The following USP13 variants were observed in gnomAD, a reference collection of about 807,000 sequenced individuals.
USP13 encodes the protein ubiquitin carboxyl-terminal hydrolase 13.
In USP13, 68 loss-of-function variants were observed where a neutral mutation model predicts 107.8. The ratio of observed to expected loss-of-function variants is 0.63; its 90% CI spans 0.52 to 0.77. The LOEUF (loss-of-function observed/expected upper bound fraction) is 0.77, where lower values mean the gene tolerates loss of function less well. USP13 is among the 30% of genes least tolerant of loss of function. The pLI, the probability that USP13 is intolerant of heterozygous loss-of-function variation, is 0.00. For missense variants in USP13, 945 were observed against 1,093.3 expected (o/e 0.86, Z 1.91); for synonymous variants, 377 against 389.5 (o/e 0.97, Z 0.38).
intron 6 of USP13, among the ~76,000 whole-genome samples, chr3:179,712,433 T>C (rs1456164755): frequency 1.3e-5 from 2 of 152,140 alleles, no homozygotes; most frequent in African/African-American, 4.8e-5. Flanking sequence ...TATTTCATTT[T>C]AGTCTTTTCT....
chr3:179,670,031 A>G (rs1001649402), intron 1 of USP13, among the ~76,000 whole-genome samples: 4 of 151,880 alleles, frequency 2.6e-5, no homozygotes, highest in Admixed American at 1.3e-4. Flanking sequence ...CCTTTTTCTC[A>G]TGCTTCTCCA....
At position 179,750,326 on chromosome 3, in the gene USP13, G is replaced by GTGTGTATATATATATATATATATATA. The variant is rs1553797370; in HGVS notation, c.1710-1958_1710-1957insGTGTATATATATATATATATATATAT. On this transcript the variant is annotated intron_variant, in intron 13 of 20. Coordinates refer to ENST00000263966, the MANE Select transcript of USP13 (RefSeq NM_003940.3). ...TGTGTATATATATATATATATGTGT[G>GTGTGTATATATATATATATATATATA]TATATATATATATATATATGTATAT... Among the ~76,000 whole-genome samples the GTGTGTATATATATATATATATATATA allele has an allele frequency of 7.9e-4, 60 of 75,814 alleles. No homozygotes were observed. The East Asian group carries it at 0.016, about 20-fold the overall frequency. The allele number at this position is 75,814 out of a possible 152,430, so 49.7% of individuals were successfully genotyped here. A position where few individuals can be genotyped will look rare whatever the true frequency, so the allele number is the denominator to read the frequency against.
At chr3:179,718,466 T>C (rs1222851577) in intron 6 of USP13, among the ~76,000 whole-genome samples, 1 of 152,086 alleles carries the variant, frequency 6.6e-6, no homozygotes, top group South Asian at 2.1e-4. Flanking sequence ...GGTGTCCTGA[T>C]ATACCTTCAT....
intron 6 of USP13, among the ~76,000 whole-genome samples, chr3:179,711,798 C>T (rs747186306): frequency 2.6e-5 from 4 of 151,952 alleles, no homozygotes; most frequent in Admixed American, 2.6e-4. Context: ...AACTTTTTTT[C>T]GTATATAAGT....
At chr3:179,666,609 G>A (rs1295904037) in intron 1 of USP13, among the ~76,000 whole-genome samples, 1 of 152,170 alleles carries the variant, frequency 6.6e-6, no homozygotes, top group African/African-American at 2.4e-5. Context: ...TTTGGGGAGT[G>A]GAGCTGGCAA....
rs201476527 is a variant in USP13 at position 179,708,879 on chromosome 3, G to C, written c.727G>C (p.Gly243Arg). ...GTTCTTTGACAGCTCTGGGGGCAAC[G>C]GGCATGCGCTGGAGCATTACAGAGA... is the stretch of plus-strand genomic sequence containing the variant. The part of the protein sequence containing the change: ...KWFFDSSGGN[G>R]HALEHYRDMG... Residue 243 changes from glycine to arginine, a missense_variant, in exon 6 of 21, where the codon GGG becomes CGG. Coordinates refer to ENST00000263966, the MANE Select transcript of USP13 (RefSeq NM_003940.3). 6.8e-6 allele frequency: 11 copies of C among 1,613,938 alleles called. No homozygotes were observed.
intron 14 of USP13, among the ~76,000 whole-genome samples, chr3:179,754,010 A>C (rs903423504): frequency 4.6e-5 from 7 of 152,214 alleles, no homozygotes; most frequent in Non-Finnish European, 8.8e-5. Flanking sequence ...CTTAGTTAGA[A>C]TATCCACAGT....
intron 3 of USP13, among the ~76,000 whole-genome samples, chr3:179,694,802 A>AGAG (rs71182510): frequency 1.1e-5 from 1 of 89,192 alleles, no homozygotes; most frequent in African/African-American, 5.0e-5. Flanking sequence ...TCCATCTCAA[A>AGAG]AAAAAAAAAA....
At position 179,682,017 on chromosome 3, in the gene USP13, T is replaced by C. The variant is rs1442211071; in HGVS notation, c.294+14T>C. ...CATGTGCGAGAGGTGAGAGCGGCAC[T>C]TTCAGAGAACTGGCCTTGATGTCTT... On this transcript the variant is annotated intron_variant, in intron 2 of 20. Transcript: ENST00000263966. The C allele has an allele frequency of 6.2e-7, 1 of 1,608,222 alleles. No individual in the cohort carries two copies. Among genetic ancestry groups the C allele is most frequent in the Admixed American group, 1.7e-5 (1 of 59,552 alleles).
At chr3:179,715,383 G>A (rs61204335) in intron 6 of USP13, among the ~76,000 whole-genome samples, 2 of 83,102 alleles carry the variant, frequency 2.4e-5, no homozygotes, top group Admixed American at 2.2e-4. Context: ...TTTTTTTTTT[G>A]AGATGGAGTC....
chr3:179,701,790 A>T (rs9851390), intron 4 of USP13, among the ~76,000 whole-genome samples: 14,468 of 151,896 alleles, frequency 0.095, 969 homozygotes, highest in African/African-American at 0.19. Flanking sequence ...CTTTCTTTCG[A>T]ATCCAGTTTT....
chr3:179,681,999 G>T lies in USP13; in HGVS notation c.290G>T (p.Arg97Leu). Residue 97 changes from arginine (R) to leucine (L), a missense_variant, in exon 2 of 21, where the codon CGA becomes CTA. By Grantham distance (102) the Arg-to-Leu change is moderately radical. Coordinates refer to ENST00000263966, the MANE Select transcript of USP13 (RefSeq NM_003940.3). The part of the protein sequence containing the change: ...SVYMHLKRHV[R>L]EKVRGASGGA... ...TACATGCACCTGAAAAGACATGTGC[G>T]AGAGGTGAGAGCGGCACTTTCAGAG... 1 of 1,612,274 alleles carries T rather than the reference G, an allele frequency of 6.2e-7. No homozygotes were observed.
chr3:179,761,377 T>G (rs1384140111), intron 17 of USP13, 122 bp downstream of exon 17: 2 of 1,283,924 alleles, frequency 1.6e-6, no homozygotes, highest in Non-Finnish European at 2.1e-6. Context: ...GTTCCTAATC[T>G]CCTGCAGTGG....
chr3:179,766,924 T>C (rs2108540828), intron 19 of USP13, among the ~76,000 whole-genome samples: 1 of 152,288 alleles, frequency 6.6e-6, no homozygotes, highest in East Asian at 1.9e-4. Flanking sequence ...GGTCTCCCAG[T>C]GTCACTTCTA....
chr3:179,754,929 C>T (rs1161330813), intron 15 of USP13, 75 bp downstream of exon 15: 1 of 1,488,864 alleles, frequency 6.7e-7, no homozygotes, highest in Non-Finnish European at 9.0e-7. Context: ...TCTTCCACCA[C>T]TGTGTTGCTG....
chr3:179,750,370 AGTTT>A (rs755233583), intron 13 of USP13, among the ~76,000 whole-genome samples: 17 of 147,870 alleles, frequency 1.1e-4, no homozygotes, highest in Non-Finnish European at 2.2e-4. Flanking sequence ...TATCAGACAG[AGTTT>A]GTTGTTTTTT....
rs200842164 is a variant in USP13, at chr3:179,721,471, G to C, written c.970G>C (p.Gly324Arg). The C allele has an allele frequency of 6.2e-7, 1 of 1,614,188 alleles. No homozygotes were observed. Among genetic ancestry groups the C allele is most frequent in the Non-Finnish European group, 8.5e-7 (1 of 1,180,048 alleles). ...VSEWEVIQESGTKLKPMYGPG... is the reference protein window; with the variant it reads ...VSEWEVIQESRTKLKPMYGPG... ...TGAGTGGGAAGTGATCCAGGAGTCG[G>C]GCACGAAACTGAAGCCAATGTATGG... is the stretch of plus-strand genomic sequence containing the variant. The change falls in exon 8 of 21, where the codon GGC becomes CGC. Residue 324 changes from glycine to arginine, a missense_variant. Physicochemically the swap from Gly to Arg is moderately radical, Grantham distance 125. Coordinates refer to ENST00000263966, the MANE Select transcript of USP13 (RefSeq NM_003940.3). This position sits in a 1 kb window ranked among gnomAD's most constrained non-coding sequence, Gnocchi z 4.3.
intron 17 of USP13, 118 bp from the exon 18 acceptor site, chr3:179,763,883 GC>G (rs1475570467): frequency 7.5e-7 from 1 of 1,339,140 alleles, no homozygotes; most frequent in African/African-American, 1.5e-5. Flanking sequence ...ACTGCGCCTG[GC>G]CCAGACTGTC....
rs1232631230 is a variant in USP13, at chr3:179,769,117, A to G, written c.2413+3269A>G. 2.0e-5 allele frequency among the ~76,000 whole-genome samples: 3 copies of G among 152,134 alleles called. No homozygotes were observed. In the East Asian group the frequency reaches 5.8e-4, roughly 29 times the overall value. On this transcript the variant is annotated intron_variant, in intron 19 of 20. Coordinates refer to ENST00000263966, the MANE Select transcript of USP13 (RefSeq NM_003940.3). ...TAAGGTTGTTTAAATATAACATTCT[A>G]TTCTATATATACATTGCTATTTTGT...
Sources: gnomAD v4.1 joint callset for allele counts (sites outside exome capture counted in the v4.1 genomes callset) on GRCh38, gnomAD v4.1.1 for gene constraint, Gnocchi (gnomAD v3.1) non-coding constraint, MANE v1.5 for transcripts, NCBI Gene and HGNC (gene_info 2026-07-23, HGNC 2026-07-21) for gene names.